Variants in IL13 observed in about 807,000 individuals in gnomAD.
IL13 encodes interleukin-13.
A neutral mutation model predicts 11.1 loss-of-function variants in IL13; 9 were observed. That is an observed-to-expected ratio of 0.81 (90% CI 0.49 to 1.42). The LOEUF (loss-of-function observed/expected upper bound fraction) is 1.42, where lower values mean the gene tolerates loss of function less well. Among genes scored for constraint, IL13 ranks in the 40% most tolerant of loss-of-function variants. The pLI is 0.00. For missense variants in IL13, 181 were observed against 182.5 expected (o/e 0.99, Z 0.05); for synonymous variants, 75 against 76.9 (o/e 0.97, Z 0.13).
chr5:132,656,545 C>G (rs1752032992), upstream of IL13: 1 of 152,500 alleles, frequency 6.6e-6, no homozygotes, highest in Admixed American at 6.5e-5. Flanking sequence ...CCCCTGCCCA[C>G]CGCTCCCGGC....
chr5:132,657,851 G>C (rs769058083), upstream of IL13, among the ~76,000 whole-genome samples: 13 of 152,128 alleles, frequency 8.5e-5, no homozygotes, highest in Non-Finnish European at 1.6e-4. Flanking sequence ...TCAGAGTTGG[G>C]TCAGCTGTCC....
rs1752114222 is a variant in IL13 at position 132,659,818 on chromosome 5, T to A, written c.323T>A (p.Val108Asp). Residue 108 changes from valine to aspartate, a missense_variant, in exon 3 of 4, where the codon GTC becomes GAC. By Grantham distance (152) the Val-to-Asp change is radical (BLOSUM62 -3). Coordinates refer to ENST00000304506, the MANE Select transcript of IL13 (RefSeq NM_002188.3). This position sits in a 1 kb window ranked among gnomAD's most constrained non-coding sequence, Gnocchi z 4.1. ...RMLSGFCPHKVSAGQFSSLHV... is the reference protein window; with the variant it reads ...RMLSGFCPHKDSAGQFSSLHV... Reference sequence around the variant, plus strand: ...CTGAGCGGATTCTGCCCGCACAAGGTCTCAGCTGGGGTAAGGCATCCCCCA... The same window carrying A: ...CTGAGCGGATTCTGCCCGCACAAGGACTCAGCTGGGGTAAGGCATCCCCCA... The A allele has an allele frequency of 6.2e-7, 1 of 1,613,342 alleles. No homozygotes were observed. The highest frequency in any genetic ancestry group is 8.5e-7 in the Non-Finnish European group (1 of 1,179,878).
intron 1 of IL13, 80 bp downstream of exon 1, chr5:132,658,440 G>A (rs1219984563): frequency 2.4e-6 from 2 of 823,492 alleles, no homozygotes; most frequent in Middle Eastern, 2.4e-4. Context: ...GAGCAGGCTG[G>A]GCCTGGTCCT....
intron 3 of IL13, 77 bp from the exon 4 acceptor site, chr5:132,660,098 C>T (rs552103568): frequency 6.9e-7 from 1 of 1,454,054 alleles, no homozygotes; most frequent in East Asian, 2.3e-5. Context: ...TGAGACAGTC[C>T]CTGGAAAGCC....
At chr5:132,657,714 G>T (rs959089372), upstream of IL13, among the ~76,000 whole-genome samples, 7 of 152,268 alleles carry the variant, frequency 4.6e-5, no homozygotes, top group Non-Finnish European at 8.8e-5. Context: ...TAATTTAAGA[G>T]ACTGGTTCAT....
rs75868517 is a variant in IL13, at chr5:132,660,333, G to A, written c.*51G>A. 3.8e-4 allele frequency: 602 copies of A among 1,593,538 alleles called. 3 individuals are homozygous for A. In the African/African-American group the frequency reaches 7.2e-3, roughly 19 times the overall value. ...GAGACAGGACCTGACTATTGAAGTTGCAGATTCATTTTTCTTTCTGATGTC... is the reference window on the plus strand; with the variant it reads ...GAGACAGGACCTGACTATTGAAGTTACAGATTCATTTTTCTTTCTGATGTC... On this transcript the variant is annotated 3_prime_UTR_variant, in exon 4 of 4. Coordinates refer to ENST00000304506, the MANE Select transcript of IL13 (RefSeq NM_002188.3).
Position 132,659,865 on chromosome 5 carries a change from C to T in IL13, c.333+37C>T. 1.2e-6 allele frequency: 2 copies of T among 1,605,444 alleles called. No homozygotes were observed. The highest frequency in any genetic ancestry group is 1.1e-5 in the South Asian group (1 of 90,030). On this transcript the variant is annotated intron_variant, in intron 3 of 3. Transcript: ENST00000304506. The surrounding 1 kb of genome is among the most constrained non-coding windows in gnomAD (Gnocchi z 4.1). ...CCCACCCTCTCACACCCACCCTGCA[C>T]CCCCTCCTGCCAACCCTGGGCTCGC... is the stretch of plus-strand genomic sequence containing the variant.
upstream of IL13, among the ~76,000 whole-genome samples, chr5:132,657,513 C>CA (rs986414149): frequency 6.6e-6 from 1 of 151,876 alleles, no homozygotes. Context: ...CAAAACAAAA[C>CA]AAAAAAACAC....
Position 132,658,682 on chromosome 5 carries a change from C to T in IL13, c.174+322C>T, listed in dbSNP as rs140300006. ...AGAAGGGCCAGCACCCTCCCAGAAC[C>T]ATGTGGCATTTGCCAACTGGATTTT... On this transcript the variant is annotated intron_variant, in intron 1 of 3. Coordinates refer to ENST00000304506, the MANE Select transcript of IL13 (RefSeq NM_002188.3). 5 of 287,354 alleles carry T rather than the reference C, an allele frequency of 1.7e-5. No individual in the cohort carries two copies. In the East Asian group the frequency reaches 2.7e-4, roughly 15 times the overall value. 17.8% of individuals were successfully genotyped at this position (287,354 alleles called of 1,614,324 possible). A position where few individuals can be genotyped will look rare whatever the true frequency, so the allele number is the denominator to read the frequency against.
Position 132,659,511 on chromosome 5 carries a change from C to G in IL13, c.228+40C>G. The G allele has an allele frequency of 6.3e-7, 1 of 1,587,004 alleles. No homozygotes were observed. The stretch of plus-strand genomic sequence containing the variant: ...GTGCAGGGAGGATGGGGCAGAGGCT[C>G]CAGGCCTTGGGCTTATCTTCTCTGA... On this transcript the variant is annotated intron_variant, in intron 2 of 3. Transcript: ENST00000304506. This position sits in a 1 kb window ranked among gnomAD's most constrained non-coding sequence, Gnocchi z 4.1.
Position 132,659,364 on chromosome 5 carries a change from G to C in IL13, c.175-54G>C. ...GGGCAGACCTGGCCTGGGCTGCCAG[G>C]GCAGGCCCACAACCCCTGCCAGCAC... is the stretch of plus-strand genomic sequence containing the variant. On this transcript the variant is annotated intron_variant, in intron 1 of 3. Coordinates refer to ENST00000304506, the MANE Select transcript of IL13 (RefSeq NM_002188.3). The surrounding 1 kb of genome is among the most constrained non-coding windows in gnomAD (Gnocchi z 4.1). 7.3e-7 allele frequency: 1 copy of C among 1,365,676 alleles called. No homozygotes were observed. The highest frequency in any genetic ancestry group is 1.0e-6 in the Non-Finnish European group (1 of 970,334). The allele number at this position is 1,365,676 out of a possible 1,614,324, so 84.6% of individuals were successfully genotyped here.
chr5:132,660,029 A>G (rs1752118916), intron 3 of IL13, 146 bp from the exon 4 acceptor site: 2 of 1,215,248 alleles, frequency 1.6e-6, no homozygotes, highest in African/African-American at 1.5e-5. Flanking sequence ...CAATTTCCAC[A>G]TCTGTACAGT....
upstream of IL13, among the ~76,000 whole-genome samples, chr5:132,657,530 A>T (rs770206189): frequency 5.9e-5 from 9 of 152,070 alleles, no homozygotes; most frequent in Non-Finnish European, 1.2e-4. Flanking sequence ...ACACCAAAAA[A>T]GCTCCCAGAA....
In IL13 at chr5:132,660,796, A is replaced by G. The variant is rs1398913417; in HGVS notation, c.*514A>G. 1.2e-5 allele frequency: 2 copies of G among 161,986 alleles called. No individual in the cohort carries two copies. Among genetic ancestry groups the G allele is most frequent in the Non-Finnish European group, 2.7e-5 (2 of 72,912 alleles). 10.0% of individuals were successfully genotyped at this position (161,986 alleles called of 1,614,324 possible). A position where few individuals can be genotyped will look rare whatever the true frequency, so the allele number is the denominator to read the frequency against. On this transcript the variant is annotated 3_prime_UTR_variant, in exon 4 of 4. Transcript: ENST00000304506. ...TTCAGAGACTCAGGGCCCCAGCACT[A>G]AAGCAGTGGACACCAGGAGTCCCTG... is the stretch of plus-strand genomic sequence containing the variant.
rs1408634483 is a variant in IL13, at chr5:132,659,856, C to G, written c.333+28C>G. 6.2e-7 allele frequency: 1 copy of G among 1,609,322 alleles called. No homozygotes were observed. Among genetic ancestry groups the G allele is most frequent in the African/African-American group, 1.3e-5 (1 of 74,956 alleles). On this transcript the variant is annotated intron_variant, in intron 3 of 3. Coordinates refer to ENST00000304506, the MANE Select transcript of IL13 (RefSeq NM_002188.3). The surrounding 1 kb of genome is among the most constrained non-coding windows in gnomAD (Gnocchi z 4.1). ...AAGGCATCCCCCACCCTCTCACACC[C>G]ACCCTGCACCCCCTCCTGCCAACCC...
chr5:132,658,480 A>G, intron 1 of IL13, 120 bp downstream of exon 1: 1 of 611,280 alleles, frequency 1.6e-6, no homozygotes, highest in Non-Finnish European at 2.8e-6. Context: ...AAAAATCTCC[A>G]TGGACCAAGG....
chr5:132,658,504 TGAGG>T (rs1752083631), intron 1 of IL13, 144 bp downstream of exon 1: 1 of 582,130 alleles, frequency 1.7e-6, no homozygotes, highest in South Asian at 2.2e-5. Flanking sequence ...GGCCCAGCCA[TGAGG>T]GAGAGAGGAG....
rs773454019 is a variant in IL13 at position 132,659,829 on chromosome 5, G to T, written c.333+1G>T. On this transcript the variant is annotated splice_donor_variant, in intron 3 of 3. Transcript: ENST00000304506. LOFTEE classifies it high-confidence loss of function. This position sits in a 1 kb window ranked among gnomAD's most constrained non-coding sequence, Gnocchi z 4.1. ...CTGCCCGCACAAGGTCTCAGCTGGGGTAAGGCATCCCCCACCCTCTCACAC... is the reference window on the plus strand; with the variant it reads ...CTGCCCGCACAAGGTCTCAGCTGGGTTAAGGCATCCCCCACCCTCTCACAC... The T allele has an allele frequency of 1.2e-6, 2 of 1,613,424 alleles. No individual in the cohort carries two copies. The highest frequency in any genetic ancestry group is 2.7e-5 in the African/African-American group (2 of 75,010).
Position 132,659,205 on chromosome 5 carries a change from A to G in IL13, c.175-213A>G, listed in dbSNP as rs1450072984. 6.7e-5 allele frequency: 37 copies of G among 553,678 alleles called. 2 individuals are homozygous for G. In the South Asian group the frequency reaches 7.5e-4, roughly 11 times the overall value. 34.3% of individuals were successfully genotyped at this position (553,678 alleles called of 1,614,324 possible). A position where few individuals can be genotyped will look rare whatever the true frequency, so the allele number is the denominator to read the frequency against. ...CTAGTGGTGTCAATTTTTTTCTCTC[A>G]GCTCCAAGACCCTAAACAGTGGGAC... On this transcript the variant is annotated intron_variant, in intron 1 of 3. Coordinates refer to ENST00000304506, the MANE Select transcript of IL13 (RefSeq NM_002188.3). This position sits in a 1 kb window ranked among gnomAD's most constrained non-coding sequence, Gnocchi z 4.1.
Sources: allele counts gnomAD v4.1 joint callset (sites outside exome capture counted in the v4.1 genomes callset), GRCh38; gene constraint gnomAD v4.1.1; non-coding constraint Gnocchi (gnomAD v3.1); transcripts MANE v1.5; gene names NCBI Gene and HGNC (gene_info 2026-07-23, HGNC 2026-07-21).